Variants in DENND1A observed in about 807,000 individuals in gnomAD.
DENND1A encodes the protein DENN domain containing 1A.
In DENND1A, 51 loss-of-function variants were observed where a neutral mutation model predicts 113.7. The observed-to-expected ratio is 0.45, with a 90% CI of 0.36 to 0.57. The LOEUF (loss-of-function observed/expected upper bound fraction) is 0.57, where lower values mean the gene tolerates loss of function less well. DENND1A is among the 20% of genes least tolerant of loss of function. The pLI is 0.00. For missense variants in DENND1A, 1,258 were observed against 1,395.9 expected (o/e 0.90, Z 1.57); for synonymous variants, 565 against 570.8 (o/e 0.99, Z 0.14).
intron 13 of DENND1A, among the ~76,000 whole-genome samples, chr9:123,508,082 T>C (rs2053126003): frequency 6.6e-6 from 1 of 152,140 alleles, no homozygotes; most frequent in Non-Finnish European, 1.5e-5. Flanking sequence ...AGCTCCCAGA[T>C]AACACAGGCA....
At chr9:123,762,820 G>A (rs1469982181) in intron 4 of DENND1A, among the ~76,000 whole-genome samples, 1 of 152,204 alleles carries the variant, frequency 6.6e-6, no homozygotes, top group Non-Finnish European at 1.5e-5. Flanking sequence ...GCTTCTCAGG[G>A]ATGGCAACAA....
In DENND1A at chr9:123,476,139, G is replaced by A. The variant is rs151300245; in HGVS notation, c.994-18242C>T. On this transcript the variant is annotated intron_variant, in intron 13 of 23. Coordinates refer to ENST00000394215, the MANE Select transcript of DENND1A (RefSeq NM_001352964.2). ...GTGGAGGCTACAGTGAGCTGAGATCGCACGATTGCACTACAGCCTGGGTGA... is the reference window on the plus strand; with the variant it reads ...GTGGAGGCTACAGTGAGCTGAGATCACACGATTGCACTACAGCCTGGGTGA... 5.9e-5 allele frequency among the ~76,000 whole-genome samples: 9 copies of A among 151,628 alleles called. No homozygotes were observed. In the East Asian group the frequency reaches 1.2e-3, roughly 20 times the overall value.
intron 1 of DENND1A, among the ~76,000 whole-genome samples, chr9:123,904,638 G>A (rs1363101456): frequency 1.3e-5 from 2 of 150,248 alleles, no homozygotes; most frequent in African/African-American, 5.0e-5. Flanking sequence ...ATGAAATGAA[G>A]CGAGAAGGGA....
chr9:123,809,535 C>T (rs1836182889), intron 2 of DENND1A, among the ~76,000 whole-genome samples: 2 of 152,142 alleles, frequency 1.3e-5, no homozygotes, highest in Admixed American at 1.3e-4. Flanking sequence ...GAAAATGGCC[C>T]TGAGGAAAAG....
chr9:123,893,994 T>C (rs529404053), intron 1 of DENND1A, among the ~76,000 whole-genome samples: 72 of 152,292 alleles, frequency 4.7e-4, no homozygotes, highest in Admixed American at 1.1e-3. Flanking sequence ...GCTCAGTTGC[T>C]CTCTCCACAC....
intron 5 of DENND1A, among the ~76,000 whole-genome samples, chr9:123,721,438 C>G (rs1047180581): frequency 6.6e-6 from 1 of 152,234 alleles, no homozygotes; most frequent in Non-Finnish European, 1.5e-5. Context: ...GTCCCACCTC[C>G]CCATCCACCT....
chr9:123,533,830 A>C (rs989698880), intron 13 of DENND1A, among the ~76,000 whole-genome samples: 2 of 152,218 alleles, frequency 1.3e-5, no homozygotes, highest in African/African-American at 4.8e-5. Flanking sequence ...GTTTACGTAC[A>C]TTCAAGCTGA....
intron 21 of DENND1A, among the ~76,000 whole-genome samples, chr9:123,402,923 A>T (rs2043612907): frequency 6.6e-6 from 1 of 152,194 alleles, no homozygotes; most frequent in African/African-American, 2.4e-5. Context: ...TGGGTAAGAA[A>T]AACCACAGTA....
rs751089227 is a variant in DENND1A, at chr9:123,383,749, T to A, written c.1925A>T (p.Glu642Val). The A allele has an allele frequency of 1.2e-6, 2 of 1,614,122 alleles. No homozygotes were observed. Among genetic ancestry groups the A allele is most frequent in the South Asian group, 2.2e-5 (2 of 91,090 alleles). The change falls in exon 23 of 24, where the codon GAG becomes GTG. Residue 642 changes from glutamate (E) to valine (V), a missense_variant. Around this residue, in one of 2 missense-constraint regions of DENND1A, gnomAD observed 1,159 missense variants for 1,231.7 expected, o/e 0.94. Transcript: ENST00000394215. ...LEDVFSNLDM[E>V]AALQPLGQAK... ...CTGGCCCAGTGGCTGCAGTGCGGCC[T>A]CCATGTCCAGGTTGCTGAAGACGTC...
At chr9:123,660,036 T>G (rs951755209) in intron 8 of DENND1A, among the ~76,000 whole-genome samples, 1 of 152,206 alleles carries the variant, frequency 6.6e-6, no homozygotes, top group African/African-American at 2.4e-5. Flanking sequence ...CTTTTTTTCC[T>G]CATGAATAGA....
chr9:123,522,341 G>A (rs371014866), intron 13 of DENND1A, among the ~76,000 whole-genome samples: 220 of 152,310 alleles, frequency 1.4e-3, no homozygotes, highest in Middle Eastern at 6.8e-3. Flanking sequence ...AGAGGTTTAT[G>A]AAAATACGTA....
chr9:123,675,547 T>A (rs1224772498), intron 6 of DENND1A, among the ~76,000 whole-genome samples: 1 of 152,132 alleles, frequency 6.6e-6, no homozygotes, highest in African/African-American at 2.4e-5. Context: ...TTAAGGGAAA[T>A]TTTTCCTTAA....
At chr9:123,396,727 G>A (rs1282609243) in intron 21 of DENND1A, among the ~76,000 whole-genome samples, 1 of 152,168 alleles carries the variant, frequency 6.6e-6, no homozygotes, top group Non-Finnish European at 1.5e-5. Context: ...GGCATTTGGG[G>A]TAGAGACTGT....
At chr9:123,411,088 G>C (rs62581067) in intron 20 of DENND1A, among the ~76,000 whole-genome samples, 2 of 150,782 alleles carry the variant, frequency 1.3e-5, no homozygotes, top group African/African-American at 4.9e-5. Context: ...ATCCTTACTT[G>C]GTTTTTTTTT....
intron 3 of DENND1A, 55 bp downstream of exon 3, chr9:123,792,532 T>C (rs1242761238): frequency 1.3e-5 from 21 of 1,570,768 alleles, no homozygotes; most frequent in Non-Finnish European, 1.8e-5. Context: ...AATAATATGT[T>C]GAACAACTCT....
intron 3 of DENND1A, among the ~76,000 whole-genome samples, chr9:123,773,216 T>A (rs1275249591): frequency 6.6e-6 from 1 of 152,148 alleles, no homozygotes; most frequent in Non-Finnish European, 1.5e-5. Flanking sequence ...TTGCATAGTG[T>A]AATAGAAAAG....
chr9:123,403,505 G>T lies in DENND1A; in HGVS notation c.1543-15C>A. On this transcript the variant is annotated splice_polypyrimidine_tract_variant and intron_variant, in intron 20 of 23. Transcript: ENST00000394215. ...GGTGGGCGCACCTAGAGGAGGTACA[G>T]GGGGAGAGCCCCAAGAAGGAGTGAG... 1 of 1,612,066 alleles carries T rather than the reference G, an allele frequency of 6.2e-7. No homozygotes were observed. Among genetic ancestry groups the T allele is most frequent in the Non-Finnish European group, 8.5e-7 (1 of 1,178,416 alleles).
intron 2 of DENND1A, among the ~76,000 whole-genome samples, chr9:123,841,502 T>C (rs1841831562): frequency 6.6e-6 from 1 of 152,134 alleles, no homozygotes. Context: ...GTGAAGAAAA[T>C]ACTGGGTGAT....
In DENND1A at chr9:123,582,616, G is replaced by C. The variant is rs2058965516; in HGVS notation, c.867+553C>G. 2.0e-5 allele frequency among the ~76,000 whole-genome samples: 3 copies of C among 151,954 alleles called. No individual in the cohort carries two copies. The South Asian group carries it at 6.2e-4, about 32-fold the overall frequency. On this transcript the variant is annotated intron_variant, in intron 12 of 23. Coordinates refer to ENST00000394215, the MANE Select transcript of DENND1A (RefSeq NM_001352964.2). ...GTGTTTCACCATGTTAGCCAGGATG[G>C]TCTCACTTTCCTGACCTCATGATCT...
Sources: allele counts gnomAD v4.1 joint callset (sites outside exome capture counted in the v4.1 genomes callset), GRCh38; gene constraint gnomAD v4.1.1; regional missense constraint gnomAD v4.1.1; transcripts MANE v1.5; gene names NCBI Gene and HGNC (gene_info 2026-07-23, HGNC 2026-07-21).